Variants in ZNF407 observed in about 807,000 individuals in gnomAD.
ZNF407 encodes zinc finger protein 407.
ZNF407 carries 17 observed loss-of-function variants against 131.2 expected under a neutral mutation model. That is an observed-to-expected ratio of 0.13 (90% CI 0.09 to 0.19). ZNF407 has a LOEUF of 0.19. Among genes scored for constraint, ZNF407 ranks in the 10% least tolerant of loss-of-function variants. The pLI, the probability that ZNF407 is intolerant of heterozygous loss-of-function variation, is 1.00. For synonymous variants in ZNF407, 1,156 were observed against 1,062.0 expected (o/e 1.09, Z -1.72); for missense variants, 2,681 against 2,830.6 (o/e 0.95, Z 1.20).
intron 4 of ZNF407, among the ~76,000 whole-genome samples, chr18:74,818,951 C>T (rs1047345370): frequency 3.3e-5 from 5 of 150,258 alleles, no homozygotes; most frequent in African/African-American, 1.2e-4. Flanking sequence ...CAATTTTTCT[C>T]TCTGTCTCCC....
chr18:75,000,961 C>A (rs1336763516), intron 8 of ZNF407, among the ~76,000 whole-genome samples: 1 of 152,176 alleles, frequency 6.6e-6, no homozygotes, highest in Non-Finnish European at 1.5e-5. Context: ...TCCTCACAGA[C>A]CCTGTCTCCC....
chr18:74,892,668 A>G (rs1971401611), intron 7 of ZNF407, among the ~76,000 whole-genome samples: 1 of 152,238 alleles, frequency 6.6e-6, no homozygotes, highest in Admixed American at 6.5e-5. Flanking sequence ...GTAGTTAAAA[A>G]TTTATTAAAT....
intron 4 of ZNF407, among the ~76,000 whole-genome samples, chr18:74,837,742 TC>T (rs1568236199): frequency 6.6e-6 from 1 of 152,082 alleles, no homozygotes; most frequent in Non-Finnish European, 1.5e-5. Context: ...AGCCACCACA[TC>T]CTGGGCTCAA....
chr18:75,052,115 C>A (rs192933198), intron 8 of ZNF407, among the ~76,000 whole-genome samples: 1 of 152,080 alleles, frequency 6.6e-6, no homozygotes, highest in Non-Finnish European at 1.5e-5. Flanking sequence ...TGCTTGCATA[C>A]GTGTGCATGT....
At chr18:75,039,850 T>C (rs544736824) in intron 8 of ZNF407, among the ~76,000 whole-genome samples, 2 of 151,858 alleles carry the variant, frequency 1.3e-5, no homozygotes, top group South Asian at 4.2e-4. Context: ...CTCAATTTTA[T>C]ACATTTCCCT....
chr18:74,790,547 T>C (rs17055588), intron 4 of ZNF407, among the ~76,000 whole-genome samples: 1,530 of 152,350 alleles, frequency 0.01, 22 homozygotes, highest in African/African-American at 0.035. Flanking sequence ...GGCCATTCTT[T>C]CTTTTATTTC....
chr18:74,746,310 T>C (rs1363627321), intron 3 of ZNF407, among the ~76,000 whole-genome samples: 3 of 152,178 alleles, frequency 2.0e-5, no homozygotes, highest in African/African-American at 7.2e-5. Flanking sequence ...GACATTACTG[T>C]ACACTACTGT....
At chr18:74,813,081 G>A (rs1970219546) in intron 4 of ZNF407, among the ~76,000 whole-genome samples, 6 of 152,126 alleles carry the variant, frequency 3.9e-5, no homozygotes, top group Admixed American at 3.9e-4. Context: ...CTGTCTACAG[G>A]CCCCGATGGT....
intron 4 of ZNF407, among the ~76,000 whole-genome samples, chr18:74,811,633 A>G (rs971294280): frequency 2.8e-4 from 43 of 152,066 alleles, no homozygotes; most frequent in East Asian, 2.3e-3. Flanking sequence ...CCAAATGTCC[A>G]ACAATGATAG....
intron 3 of ZNF407, among the ~76,000 whole-genome samples, chr18:74,648,094 A>G (rs1985057925): frequency 6.6e-6 from 1 of 152,190 alleles, no homozygotes; most frequent in South Asian, 2.1e-4. Context: ...GCACTGTGTT[A>G]GTCTTTAGGG....
intron 3 of ZNF407, among the ~76,000 whole-genome samples, chr18:74,647,821 G>A (rs1032707556): frequency 7.9e-5 from 12 of 152,200 alleles, no homozygotes; most frequent in Admixed American, 2.0e-4. Flanking sequence ...GAAGGAGCAA[G>A]GCTGAGTGAG....
chr18:74,669,757 T>C (rs2144749355), intron 3 of ZNF407, among the ~76,000 whole-genome samples: 1 of 152,318 alleles, frequency 6.6e-6, no homozygotes, highest in Middle Eastern at 3.4e-3. Flanking sequence ...TTTTTAGTCC[T>C]CTCAGGTTAG....
At chr18:74,963,314 A>G (rs899317908) in intron 8 of ZNF407, among the ~76,000 whole-genome samples, 4 of 152,196 alleles carry the variant, frequency 2.6e-5, no homozygotes, top group Non-Finnish European at 4.4e-5. Flanking sequence ...GTCCTGTGTA[A>G]TAATTCATTA....
intron 4 of ZNF407, among the ~76,000 whole-genome samples, chr18:74,809,759 T>G (rs1970167438): frequency 6.6e-6 from 1 of 152,194 alleles, no homozygotes; most frequent in African/African-American, 2.4e-5. Flanking sequence ...AAAGTCTCCA[T>G]GTACCATTAG....
chr18:74,856,187 C>T (rs186099250), intron 4 of ZNF407, among the ~76,000 whole-genome samples: 22 of 152,294 alleles, frequency 1.4e-4, no homozygotes, highest in Admixed American at 3.3e-4. Context: ...TATCATGCTG[C>T]GACCCACACC....
intron 4 of ZNF407, among the ~76,000 whole-genome samples, chr18:74,854,801 A>G (rs534023480): frequency 1.2e-3 from 186 of 152,154 alleles, no homozygotes; most frequent in African/African-American, 4.3e-3. Flanking sequence ...TAAGACATGC[A>G]CCCGAACCGC....
intron 8 of ZNF407, among the ~76,000 whole-genome samples, chr18:75,040,182 C>G (rs1051187825): frequency 1.3e-5 from 2 of 152,246 alleles, no homozygotes; most frequent in South Asian, 4.2e-4. Flanking sequence ...GCTTTGATCA[C>G]GTGGAGTGAT....
intron 6 of ZNF407, among the ~76,000 whole-genome samples, chr18:74,886,016 G>T (rs1454503095): frequency 1.3e-5 from 2 of 152,112 alleles, no homozygotes; most frequent in Non-Finnish European, 2.9e-5. Flanking sequence ...TCTTTAAAAG[G>T]TGCTGTGAAC....
chr18:75,022,921 G>A (rs1568303817), intron 8 of ZNF407, among the ~76,000 whole-genome samples: 1 of 152,120 alleles, frequency 6.6e-6, no homozygotes, highest in East Asian at 1.9e-4. Context: ...CAAAGACACG[G>A]AGTTGACCCA....
Sources: gnomAD v4.1 joint callset for allele counts (sites outside exome capture counted in the v4.1 genomes callset) on GRCh38, gnomAD v4.1.1 for gene constraint, MANE v1.5 for transcripts, NCBI Gene and HGNC (gene_info 2026-07-23, HGNC 2026-07-21) for gene names.